TBXAS1: variants seen among roughly 807,000 people sequenced by gnomAD.
TBXAS1 encodes the protein thromboxane A synthase 1, also known as thromboxane-A synthase.
In TBXAS1, 48 loss-of-function variants were observed where a neutral mutation model predicts 60.7. The ratio of observed to expected loss-of-function variants is 0.79; its 90% CI spans 0.63 to 1.01. The LOEUF (loss-of-function observed/expected upper bound fraction) is 1.01. Ranked by LOEUF, TBXAS1 falls within the 50% of genes least tolerant of loss-of-function variation. TBXAS1 has a pLI of 0.00. For missense variants in TBXAS1, 685 were observed against 686.3 expected, an observed-to-expected ratio of 1.00 and a Z score of 0.02; for synonymous variants, 287 against 269.7, an observed-to-expected ratio of 1.06 and a Z score of -0.63.
At chr7:139,915,253 T>A (rs188515384) in intron 4 of TBXAS1, among the ~76,000 whole-genome samples, 1 of 152,248 alleles carries the variant, frequency 6.6e-6, no homozygotes, top group African/African-American at 2.4e-5. Context: ...TGGTTCCCTC[T>A]TATCCATATG....
chr7:139,875,998 G>A, intron 3 of TBXAS1: 2 of 345,870 alleles, frequency 5.8e-6, no homozygotes, highest in Non-Finnish European at 1.1e-5. Flanking sequence ...CCTTGACAGT[G>A]CACAGCAGGT....
chr7:139,986,737 A>ATATG (rs1310747057), intron 9 of TBXAS1, among the ~76,000 whole-genome samples: 1 of 38,430 alleles, frequency 2.6e-5, no homozygotes, highest in Non-Finnish European at 4.3e-5. Flanking sequence ...ATATATATAT[A>ATATG]TACATACATA....
intron 8 of TBXAS1, among the ~76,000 whole-genome samples, chr7:139,961,396 A>G (rs1425939737): frequency 6.6e-6 from 1 of 152,188 alleles, no homozygotes. Flanking sequence ...TTGTTGGAAA[A>G]CCAACCACCA....
intron 9 of TBXAS1, among the ~76,000 whole-genome samples, chr7:139,972,941 G>A (rs1363365156): frequency 6.6e-6 from 1 of 152,070 alleles, no homozygotes. Context: ...CAGATTTGAG[G>A]GGGGACGAGC....
At chr7:139,869,543 A>G (rs1243221751) in intron 1 of TBXAS1, among the ~76,000 whole-genome samples, 2 of 151,812 alleles carry the variant, frequency 1.3e-5, no homozygotes, top group African/African-American at 4.8e-5. Flanking sequence ...ATGCAACACT[A>G]CCCCTGGCTA....
intron 5 of TBXAS1, among the ~76,000 whole-genome samples, chr7:139,947,723 C>A (rs1420528770): frequency 6.6e-6 from 1 of 152,218 alleles, no homozygotes; most frequent in East Asian, 1.9e-4. Context: ...CACTCGGCAT[C>A]ACCTGTGTAG....
At chr7:139,977,461 C>G (rs185957358) in intron 9 of TBXAS1, among the ~76,000 whole-genome samples, 5 of 152,238 alleles carry the variant, frequency 3.3e-5, no homozygotes, top group Non-Finnish European at 5.9e-5. Context: ...TCCCACAACA[C>G]AAGGGAATTG....
chr7:139,992,042 A>G (rs979893064), intron 9 of TBXAS1, among the ~76,000 whole-genome samples: 1 of 152,146 alleles, frequency 6.6e-6, no homozygotes, highest in African/African-American at 2.4e-5. Flanking sequence ...CTCTCCCCCA[A>G]CGCCCAGCCA....
intron 1 of TBXAS1, among the ~76,000 whole-genome samples, chr7:139,864,374 G>A (rs1801197235): frequency 6.6e-6 from 1 of 151,966 alleles, no homozygotes; most frequent in Admixed American, 6.6e-5. Context: ...AAAATCAACA[G>A]AGAGATACAA....
intron 10 of TBXAS1, among the ~76,000 whole-genome samples, chr7:140,012,235 G>A (rs986059210): frequency 2.6e-5 from 4 of 152,210 alleles, no homozygotes; most frequent in South Asian, 4.1e-4. Flanking sequence ...TAGGAGGCAG[G>A]AAGTGGGGCT....
chr7:140,013,002 G>A lies in TBXAS1; in HGVS notation c.1227-2721G>A, dbSNP rs916935679. On this transcript the variant is annotated intron_variant, in intron 10 of 12. Transcript: ENST00000448866. The surrounding 1 kb of genome is among the most constrained non-coding windows in gnomAD (Gnocchi z 4.2). ...TTTAAGGTAGGTCTTTTGTGGCAAG[G>A]AATATTTGAAATTGGGCAAGATGAG... Among the ~76,000 whole-genome samples, 4 of 150,234 alleles carry A rather than the reference G, an allele frequency of 2.7e-5. No individual in the cohort carries two copies. The highest frequency in any genetic ancestry group is 2.9e-5 in the Non-Finnish European group (2 of 67,812).
chr7:139,892,644 C>T (rs2116939276), intron 3 of TBXAS1, among the ~76,000 whole-genome samples: 1 of 152,216 alleles, frequency 6.6e-6, no homozygotes, highest in South Asian at 2.1e-4. Flanking sequence ...AACAAAAAAA[C>T]TTGAGCACCT....
At chr7:139,880,192 G>T (rs1421871098) in intron 3 of TBXAS1, among the ~76,000 whole-genome samples, 1 of 152,150 alleles carries the variant, frequency 6.6e-6, no homozygotes, top group African/African-American at 2.4e-5. Flanking sequence ...CTATCTCATT[G>T]TCTTTTAAAT....
chr7:139,964,413 AG>A (rs1810623859), intron 9 of TBXAS1, among the ~76,000 whole-genome samples: 1 of 152,164 alleles, frequency 6.6e-6, no homozygotes, highest in African/African-American at 2.4e-5. Context: ...CAACTCTTGA[AG>A]CAAGGGGAAT....
chr7:140,015,547 C>G (rs1412571267), intron 10 of TBXAS1, among the ~76,000 whole-genome samples, 176 bp from the exon 11 acceptor site: 1 of 152,082 alleles, frequency 6.6e-6, no homozygotes, highest in African/African-American at 2.4e-5. Context: ...GGGGTAGGGG[C>G]TTGGTCACCC....
intron 9 of TBXAS1, among the ~76,000 whole-genome samples, chr7:139,970,308 T>C (rs981548708): frequency 3.3e-5 from 5 of 152,222 alleles, no homozygotes; most frequent in African/African-American, 1.2e-4. Context: ...GGTTTCACCA[T>C]GTTGGACAGG....
At chr7:139,882,094 A>G (rs1802743475) in intron 3 of TBXAS1, among the ~76,000 whole-genome samples, 1 of 152,196 alleles carries the variant, frequency 6.6e-6, no homozygotes, top group Non-Finnish European at 1.5e-5. Flanking sequence ...GCTCTTAACC[A>G]TCATGTTTAT....
At chr7:139,798,799 G>A (rs1474013847) in intron 4 of TBXAS1, among the ~76,000 whole-genome samples, 1 of 152,174 alleles carries the variant, frequency 6.6e-6, no homozygotes, top group Non-Finnish European at 1.5e-5. Context: ...TTTTAAGTGT[G>A]TATTCTAATT....
intron 4 of TBXAS1, among the ~76,000 whole-genome samples, chr7:139,803,867 T>G (rs1797779106): frequency 6.6e-6 from 1 of 152,160 alleles, no homozygotes; most frequent in African/African-American, 2.4e-5. Flanking sequence ...TTTCAGAGGA[T>G]GAATGGAAAT....
Sources: gnomAD v4.1 joint callset for allele counts (sites outside exome capture counted in the v4.1 genomes callset) on GRCh38, gnomAD v4.1.1 for gene constraint, Gnocchi (gnomAD v3.1) non-coding constraint, MANE v1.5 for transcripts, NCBI Gene and HGNC (gene_info 2026-07-23, HGNC 2026-07-21) for gene names.